The following CAPN13 variants were observed in gnomAD, a reference collection of about 807,000 sequenced individuals.
CAPN13 encodes the protein calpain 13, also known as calpain-13.
Under a neutral mutation model 98.4 loss-of-function variants are expected in CAPN13, and 90 were observed. The ratio of observed to expected loss-of-function variants is 0.92; its 90% CI spans 0.77 to 1.09. The LOEUF is 1.09. Among genes scored for constraint, CAPN13 ranks in the 50% least tolerant of loss-of-function variants. CAPN13 has a pLI of 0.00. For synonymous variants in CAPN13, 330 were observed against 305.5 expected (o/e 1.08, Z -0.84); for missense variants, 887 against 841.3 (o/e 1.05, Z -0.67).
At chr2:30,728,309 A>T (rs1670931200) in intron 22 of CAPN13, among the ~76,000 whole-genome samples, 1 of 151,928 alleles carries the variant, frequency 6.6e-6, no homozygotes, top group Admixed American at 6.6e-5. Context: ...TAAATGAGCA[A>T]ACTCTACAAT....
chr2:30,764,259 G>T lies in CAPN13; in HGVS notation c.572C>A (p.Ala191Asp), dbSNP rs761586224. The T allele has an allele frequency of 6.2e-7, 1 of 1,613,730 alleles. No individual in the cohort carries two copies. The highest frequency in any genetic ancestry group is 2.2e-5 in the East Asian group (1 of 44,860). The change falls in exon 6 of 23, where the codon GCC becomes GAC. Residue 191 changes from alanine to aspartate, a missense_variant. Physicochemically the swap from Ala to Asp is moderately radical, Grantham distance 126 (BLOSUM62 -2). Coordinates refer to ENST00000295055, the MANE Select transcript of CAPN13 (RefSeq NM_144575.3). ...SDLHYGFLED[A>D]LVDLTGGVIT... The stretch of plus-strand genomic sequence containing the variant: ...CACGCCTCCTGTGAGGTCCACCAGG[G>T]CATCCTCGAGGAAGCCATAGTGCAG...
chr2:30,801,163 G>T (rs1240481116), intron 1 of CAPN13, among the ~76,000 whole-genome samples: 1 of 152,082 alleles, frequency 6.6e-6, no homozygotes, highest in East Asian at 1.9e-4. Flanking sequence ...CTTCCCAAAG[G>T]CTTGAACCGC....
At chr2:30,804,434 C>T (rs1232240200) in intron 1 of CAPN13, among the ~76,000 whole-genome samples, 1 of 152,164 alleles carries the variant, frequency 6.6e-6, no homozygotes, top group Non-Finnish European at 1.5e-5. Context: ...AACTCCTGAC[C>T]TCAGGCAATC....
intron 4 of CAPN13, among the ~76,000 whole-genome samples, chr2:30,772,942 C>T (rs1298892133): frequency 2.0e-5 from 3 of 152,026 alleles, no homozygotes; most frequent in Non-Finnish European, 4.4e-5. Flanking sequence ...TCTCCTGCTT[C>T]TGCCTCCCAA....
chr2:30,746,458 A>C (rs1671915854), intron 11 of CAPN13: 1 of 154,260 alleles, frequency 6.5e-6, no homozygotes, highest in Non-Finnish European at 1.4e-5. Context: ...TATCTGTGAT[A>C]ACATTAGAGC....
intron 1 of CAPN13, among the ~76,000 whole-genome samples, chr2:30,801,037 T>G (rs1434989061): frequency 4.6e-5 from 7 of 152,134 alleles, no homozygotes; most frequent in Non-Finnish European, 1.0e-4. Flanking sequence ...CAAATACAAA[T>G]TTAGTAGACT....
At position 30,779,318 on chromosome 2, in the gene CAPN13, G is replaced by A. The variant is rs74685631; in HGVS notation, c.199-1679C>T. On this transcript the variant is annotated intron_variant, in intron 2 of 22. Coordinates refer to ENST00000295055, the MANE Select transcript of CAPN13 (RefSeq NM_144575.3). ...GACCTTGAGACCTTGAACAATTCCC[G>A]TTACTTTGCTGTGCCTCAGTTTCCT... is the stretch of plus-strand genomic sequence containing the variant. Among the ~76,000 whole-genome samples the A allele has an allele frequency of 6.1e-4, 93 of 152,282 alleles. No homozygotes were observed. The East Asian group carries it at 0.013, about 21-fold the overall frequency.
intron 3 of CAPN13, 95 bp downstream of exon 3, chr2:30,777,472 C>T: frequency 8.9e-7 from 1 of 1,128,310 alleles, no homozygotes; most frequent in Non-Finnish European, 1.3e-6. Flanking sequence ...GGGAACTGGC[C>T]TTTCTCCCTC....
intron 22 of CAPN13, 29 bp downstream of exon 22, chr2:30,730,701 G>A (rs1671039813): frequency 1.3e-6 from 1 of 779,634 alleles, no homozygotes. Flanking sequence ...CTCCCAGGAG[G>A]GAAAGACTCC....
At chr2:30,739,009 A>T (rs1390758529) in intron 15 of CAPN13, among the ~76,000 whole-genome samples, 1 of 152,184 alleles carries the variant, frequency 6.6e-6, no homozygotes, top group Non-Finnish European at 1.5e-5. Context: ...ACTGAAGCAA[A>T]AAGGGAGACA....
At chr2:30,724,805 C>A (rs72865490) in intron 22 of CAPN13, among the ~76,000 whole-genome samples, 14,703 of 152,104 alleles carry the variant, frequency 0.097, 969 homozygotes, top group African/African-American at 0.19. Context: ...AGTCTTCAAC[C>A]GAACATCTAG....
At chr2:30,729,734 G>C (rs1222363265) in intron 22 of CAPN13, 1 of 152,228 alleles carries the variant, frequency 6.6e-6, no homozygotes, top group Non-Finnish European at 1.5e-5. Context: ...TGGAGACAGT[G>C]TCTGTCTCTT....
chr2:30,759,557 A>G (rs1196686329), intron 7 of CAPN13, among the ~76,000 whole-genome samples: 4 of 152,214 alleles, frequency 2.6e-5, no homozygotes, highest in Non-Finnish European at 5.9e-5. Flanking sequence ...TGGTCAGAGG[A>G]GAAGGACAAG....
At chr2:30,768,670 C>T (rs1673231086) in intron 5 of CAPN13, among the ~76,000 whole-genome samples, 4 of 151,584 alleles carry the variant, frequency 2.6e-5, no homozygotes, top group Non-Finnish European at 1.5e-5. Context: ...ATTTCATGAA[C>T]TTTCTTTTTT....
intron 2 of CAPN13, among the ~76,000 whole-genome samples, chr2:30,784,884 G>A (rs1183448927): frequency 6.6e-6 from 1 of 152,190 alleles, no homozygotes; most frequent in Non-Finnish European, 1.5e-5. Flanking sequence ...CCTGCCATGT[G>A]GTCAACACTC....
chr2:30,757,938 C>A, intron 8 of CAPN13, 108 bp downstream of exon 8: 1 of 798,214 alleles, frequency 1.3e-6, no homozygotes. Flanking sequence ...CTGGACAGGC[C>A]TGCAGTGAGA....
At chr2:30,748,285 C>T (rs1052052273) in intron 11 of CAPN13, among the ~76,000 whole-genome samples, 1 of 152,132 alleles carries the variant, frequency 6.6e-6, no homozygotes, top group African/African-American at 2.4e-5. Context: ...GAGGTGAGAG[C>T]TGGAAAATCT....
chr2:30,800,157 A>AAAGAAAGAAAG (rs1675170183), intron 1 of CAPN13, among the ~76,000 whole-genome samples: 1 of 150,378 alleles, frequency 6.6e-6, no homozygotes, highest in African/African-American at 2.4e-5. Context: ...AGAAAGAAAG[A>AAAGAAAGAAAG]AAGAAAGAAA....
chr2:30,740,458 G>A (rs1671599680), intron 15 of CAPN13, among the ~76,000 whole-genome samples: 2 of 152,218 alleles, frequency 1.3e-5, no homozygotes, highest in African/African-American at 4.8e-5. Context: ...CACAGTGAGT[G>A]CATGGAGGAA....
Sources: gnomAD v4.1 joint callset for allele counts (sites outside exome capture counted in the v4.1 genomes callset) on GRCh38, gnomAD v4.1.1 for gene constraint, MANE v1.5 for transcripts, NCBI Gene and HGNC (gene_info 2026-07-23, HGNC 2026-07-21) for gene names.